ASIC3: variants seen among roughly 807,000 people sequenced by gnomAD.
ASIC3 encodes the protein acid sensing ion channel subunit 3, also known as acid-sensing ion channel 3.
ASIC3 carries 46 observed loss-of-function variants against 58.6 expected under a neutral mutation model. That is an observed-to-expected ratio of 0.79 (90% CI 0.62 to 1.00). ASIC3 has a LOEUF of 1.00. ASIC3 is among the 50% of genes least tolerant of loss of function. ASIC3 has a pLI of 0.00. For synonymous variants in ASIC3, 336 were observed against 300.2 expected, an observed-to-expected ratio of 1.12 and a Z score of -1.23; for missense variants, 770 against 735.0, an observed-to-expected ratio of 1.05 and a Z score of -0.55.
chr7:151,052,224 C>G lies in ASIC3; in HGVS notation c.1445C>G (p.Ser482Cys). Residue 482 changes from serine to cysteine, a missense_variant, in exon 9 of 11, where the codon TCC becomes TGC. Ser to Cys is a moderately radical substitution (Grantham distance 112). Transcript: ENST00000349064. The surrounding 1 kb of genome is among the most constrained non-coding windows in gnomAD (Gnocchi z 5.0). ...FWNRQHSQRHSSTNLLQEGLG... is the reference protein window; with the variant it reads ...FWNRQHSQRHCSTNLLQEGLG... Reference sequence around the variant, plus strand: ...AACCGACAGCACTCCCAAAGGCACTCCAGCACCAATCTGGTAACAGCCCCT... The same window carrying G: ...AACCGACAGCACTCCCAAAGGCACTGCAGCACCAATCTGGTAACAGCCCCT... 1.2e-6 allele frequency: 2 copies of G among 1,614,060 alleles called. No homozygotes were observed. The highest frequency in any genetic ancestry group is 1.7e-6 in the Non-Finnish European group (2 of 1,180,000).
chr7:151,051,036 C>T lies in ASIC3; in HGVS notation c.1010-3C>T, dbSNP rs1796761543. 1 of 1,613,230 alleles carries T rather than the reference C, an allele frequency of 6.2e-7. No individual in the cohort carries two copies. Among genetic ancestry groups the T allele is most frequent in the African/African-American group, 1.3e-5 (1 of 74,946 alleles). ...TCTAAAGCCATCTCCCCGGTACCCG[C>T]AGGCGACGTGCCAGTGTGCAGCCCC... On this transcript the variant is annotated splice_polypyrimidine_tract_variant and splice_region_variant and intron_variant, in intron 4 of 10. Transcript: ENST00000349064.
Position 151,049,095 on chromosome 7 carries a change from C to A in ASIC3, c.210C>A (p.Phe70Leu), listed in dbSNP as rs62001891. ...AGAGGGTGCGCTACTACAGGGAGTT[C>A]CACCACCAGACTGCCCTGGATGAGC... ...VAERVRYYREFHHQTALDERE... is the reference protein window; with the variant it reads ...VAERVRYYRELHHQTALDERE... The change falls in exon 1 of 11, where the codon TTC becomes TTA. Residue 70 changes from phenylalanine (F) to leucine (L), a missense_variant. Transcript: ENST00000349064. 17 of 1,613,906 alleles carry A rather than the reference C, an allele frequency of 1.1e-5. No individual in the cohort carries two copies. In the African/African-American group the frequency reaches 2.3e-4, roughly 22 times the overall value.
In ASIC3 at chr7:151,052,377, G is replaced by GGACCACTCCCCACCTCT; in HGVS notation, c.1459-34_1459-18dup. 1 of 1,613,510 alleles carries GGACCACTCCCCACCTCT rather than the reference G, an allele frequency of 6.2e-7. No individual in the cohort carries two copies. The highest frequency in any genetic ancestry group is 8.5e-7 in the Non-Finnish European group (1 of 1,179,858). ...TGACCTCGACTGGTCCCTGGGAGGA[G>GGACCACTCCCCACCTCT]GACCACTCCCCACCTCTGACCCTCT... On this transcript the variant is annotated intron_variant, in intron 9 of 10. Transcript: ENST00000349064. The surrounding 1 kb of genome is among the most constrained non-coding windows in gnomAD (Gnocchi z 5.0).
intron 1 of ASIC3, 136 bp from the exon 2 acceptor site, chr7:151,049,970 G>A: frequency 8.7e-7 from 1 of 1,145,486 alleles, no homozygotes. Flanking sequence ...GCCCACTGGA[G>A]CGTGGGGCTG....
intron 1 of ASIC3, 27 bp downstream of exon 1, chr7:151,049,446 C>A: frequency 6.5e-7 from 1 of 1,546,430 alleles, no homozygotes; most frequent in Admixed American, 1.8e-5. Flanking sequence ...ACCTATCCTG[C>A]CAGGGACCCA....
rs1386134384 is a variant in ASIC3 at position 151,052,314 on chromosome 7, C to T, written c.1458+77C>T. The T allele has an allele frequency of 3.4e-5, 55 of 1,612,444 alleles. No individual in the cohort carries two copies. The highest frequency in any genetic ancestry group is 8.3e-5 in the Admixed American group (5 of 59,962). On this transcript the variant is annotated intron_variant, in intron 9 of 10. Coordinates refer to ENST00000349064, the MANE Select transcript of ASIC3 (RefSeq NM_004769.4). The surrounding 1 kb of genome is among the most constrained non-coding windows in gnomAD (Gnocchi z 5.0). ...ACCCCTGAAGCCTAGACCACCATCC[C>T]GCCCCAGCTGAGGAGAAACAGGCAG...
rs754949155 is a variant in ASIC3 at position 151,049,017 on chromosome 7, G to A, written c.132G>A (p.Met44Ile). Residue 44 changes from methionine (M) to isoleucine (I), a missense_variant, in exon 1 of 11, where the codon ATG becomes ATA. By Grantham distance (10) the Met-to-Ile change is conservative. Transcript: ENST00000349064. ...GPGSLSLRRGMWAAAVVLSVA... is the reference protein window; with the variant it reads ...GPGSLSLRRGIWAAAVVLSVA... ...GCAGCCTGAGCCTGCGCCGGGGGAT[G>A]TGGGCAGCGGCCGTGGTCCTGTCAG... 7.4e-6 allele frequency: 12 copies of A among 1,612,722 alleles called. No individual in the cohort carries two copies. The Admixed American group carries it at 2.0e-4, about 27-fold the overall frequency.
chr7:151,048,864 G>A lies in ASIC3; in HGVS notation c.-22G>A, dbSNP rs373975342. 2 of 1,531,526 alleles carry A rather than the reference G, an allele frequency of 1.3e-6. No individual in the cohort carries two copies. Among genetic ancestry groups the A allele is most frequent in the Non-Finnish European group, 1.8e-6 (2 of 1,138,362 alleles). 94.9% of individuals were successfully genotyped at this position (1,531,526 alleles called of 1,614,324 possible). On this transcript the variant is annotated 5_prime_UTR_variant, in exon 1 of 11. Coordinates refer to ENST00000349064, the MANE Select transcript of ASIC3 (RefSeq NM_004769.4). ...CGCTTCTTCCAAGCCTCTGTAGCTG[G>A]TTCCGCTCCTGGGTTCTGGCCATGA...
chr7:151,049,512 C>A, intron 1 of ASIC3, 93 bp downstream of exon 1: 1 of 1,451,562 alleles, frequency 6.9e-7, no homozygotes, highest in Non-Finnish European at 9.2e-7. Flanking sequence ...CACAGGCTCC[C>A]CCAAAGCCAG....
chr7:151,049,547 A>G (rs1343375175), intron 1 of ASIC3, 128 bp downstream of exon 1: 3 of 1,154,830 alleles, frequency 2.6e-6, no homozygotes, highest in Admixed American at 2.7e-5. Flanking sequence ...CCTACCAGCC[A>G]TGGACTCCCC....
rs1347885029 is a variant in ASIC3 at position 151,052,650 on chromosome 7, T to C, written c.1594T>C (p.Ter532GlnextTer21). The stretch of plus-strand genomic sequence containing the variant: ...CACCTGCTACCTTGTCACACAGCTC[T>C]AGACCTGCTGTCTGTGTCCTCGGAG... ...HRTCYLVTQL[*>Q] The change falls in exon 11 of 11, where the codon TAG becomes CAG. Residue 532 changes from the stop codon to glutamine (Q), a stop_lost. Transcript: ENST00000349064. This position sits in a 1 kb window ranked among gnomAD's most constrained non-coding sequence, Gnocchi z 5.0. 6.2e-7 allele frequency: 1 copy of C among 1,614,112 alleles called. No individual in the cohort carries two copies. The highest frequency in any genetic ancestry group is 8.5e-7 in the Non-Finnish European group (1 of 1,179,998).
intron 4 of ASIC3, 29 bp downstream of exon 4, chr7:151,050,982 C>CG (rs987496497): frequency 6.2e-7 from 1 of 1,613,234 alleles, no homozygotes. Flanking sequence ...CGTCCCATGG[C>CG]GGGCAGGGCC....
At chr7:151,051,579 C>T (rs920031702) in intron 6 of ASIC3, among the ~76,000 whole-genome samples, 20 of 8,292 alleles carry the variant, frequency 2.4e-3, no homozygotes, top group African/African-American at 9.1e-3. Flanking sequence ...CGGCGGGGGG[C>T]GGGGGAGGGG....
At position 151,049,328 on chromosome 7, in the gene ASIC3, A is replaced by C. The variant is rs1408886926; in HGVS notation, c.443A>C (p.Gln148Pro). 1 of 1,613,012 alleles carries C rather than the reference A, an allele frequency of 6.2e-7. No homozygotes were observed. Among genetic ancestry groups the C allele is most frequent in the Admixed American group, 1.7e-5 (1 of 60,010 alleles). Residue 148 changes from glutamine (Q) to proline (P), a missense_variant, in exon 1 of 11, where the codon CAA becomes CCA. Gln to Pro is a moderately conservative substitution (Grantham distance 76). Transcript: ENST00000349064. ...FMPSPTFDMA[Q>P]LYARAGHSLD... is the part of the protein sequence containing the mutation. The stretch of plus-strand genomic sequence containing the variant: ...CCCAGTCCCACCTTTGACATGGCGC[A>C]ACTCTATGCCCGTGCTGGGCACTCC...
chr7:151,049,483 C>T, intron 1 of ASIC3, 64 bp downstream of exon 1: 2 of 1,505,372 alleles, frequency 1.3e-6, no homozygotes, highest in Non-Finnish European at 8.9e-7. Context: ...CTGCCCAGCA[C>T]CCACAATTCC....
rs753527375 is a variant in ASIC3, at chr7:151,048,855, CTG to C, written c.-29_-28del. 8 of 1,528,956 alleles carry C rather than the reference CTG, an allele frequency of 5.2e-6. No homozygotes were observed. In the Admixed American group the frequency reaches 6.2e-5, roughly 12 times the overall value. 94.7% of individuals were successfully genotyped at this position (1,528,956 alleles called of 1,614,324 possible). ...ACTCTCTCTCGCTTCTTCCAAGCCT[CTG>C]TAGCTGGTTCCGCTCCTGGGTTCTG... On this transcript the variant is annotated 5_prime_UTR_variant, in exon 1 of 11. Transcript: ENST00000349064.
In ASIC3 at chr7:151,052,072, G is replaced by T. The variant is rs1796796368; in HGVS notation, c.1386+10G>T. On this transcript the variant is annotated intron_variant, in intron 8 of 10. Transcript: ENST00000349064. This position sits in a 1 kb window ranked among gnomAD's most constrained non-coding sequence, Gnocchi z 5.0. ...AGACTACCTCTGTGAGGTGGGCCAGGGCCCCCACTGCAGGGGGTGGGAGGT... is the reference window on the plus strand; with the variant it reads ...AGACTACCTCTGTGAGGTGGGCCAGTGCCCCCACTGCAGGGGGTGGGAGGT... The T allele has an allele frequency of 1.9e-6, 3 of 1,613,706 alleles. No individual in the cohort carries two copies. Among genetic ancestry groups the T allele is most frequent in the Non-Finnish European group, 1.7e-6 (2 of 1,179,938 alleles).
At position 151,052,679 on chromosome 7, in the gene ASIC3, C is replaced by T. The variant is rs756464637; in HGVS notation, c.*27C>T. On this transcript the variant is annotated 3_prime_UTR_variant, in exon 11 of 11. Transcript: ENST00000349064. The surrounding 1 kb of genome is among the most constrained non-coding windows in gnomAD (Gnocchi z 5.0). ...CCTGCTGTCTGTGTCCTCGGAGCCC[C>T]GCCCTGACATCCTGGACATGCCTAG... The T allele has an allele frequency of 3.7e-5, 59 of 1,614,138 alleles. 1 individual carries two copies. The highest frequency in any genetic ancestry group is 1.6e-4 in the Middle Eastern group (1 of 6,062).
At position 151,052,534 on chromosome 7, in the gene ASIC3, T is replaced by C. The variant is rs117806186; in HGVS notation, c.1518-40T>C. On this transcript the variant is annotated intron_variant, in intron 10 of 10. Coordinates refer to ENST00000349064, the MANE Select transcript of ASIC3 (RefSeq NM_004769.4). This position sits in a 1 kb window ranked among gnomAD's most constrained non-coding sequence, Gnocchi z 5.0. ...GCAGGGGCAGGCTCAGGACAGTGGGTGTGCCCGTTCCCACCCCAGCACTCT... is the reference window on the plus strand; with the variant it reads ...GCAGGGGCAGGCTCAGGACAGTGGGCGTGCCCGTTCCCACCCCAGCACTCT... The C allele has an allele frequency of 1.2e-3, 1,858 of 1,613,570 alleles. 30 individuals carry two copies. The East Asian group carries it at 0.036, about 32-fold the overall frequency.
Sources: allele counts gnomAD v4.1 joint callset (sites outside exome capture counted in the v4.1 genomes callset), GRCh38; gene constraint gnomAD v4.1.1; non-coding constraint Gnocchi (gnomAD v3.1); transcripts MANE v1.5; gene names NCBI Gene and HGNC (gene_info 2026-07-23, HGNC 2026-07-21).